The following SHANK2 variants were observed in gnomAD, a reference collection of about 807,000 sequenced individuals.
SHANK2 encodes SH3 and multiple ankyrin repeat domains protein 2.
In SHANK2, 43 loss-of-function variants were observed where a neutral mutation model predicts 133.7. The observed-to-expected ratio is 0.32, with a 90% CI of 0.25 to 0.41. The LOEUF (loss-of-function observed/expected upper bound fraction) is 0.41, where lower values mean the gene tolerates loss of function less well. Among genes scored for constraint, SHANK2 ranks in the 10% least tolerant of loss-of-function variants. The pLI, the probability that SHANK2 is intolerant of heterozygous loss-of-function variation, is 1.00. For missense variants in SHANK2, 1,994 were observed against 2,235.8 expected, an observed-to-expected ratio of 0.89 and a Z score of 2.18; for synonymous variants, 1,017 against 952.8, an observed-to-expected ratio of 1.07 and a Z score of -1.24.
chr11:70,701,768 GCC>G (rs1945526125), intron 14 of SHANK2, among the ~76,000 whole-genome samples: 1 of 152,082 alleles, frequency 6.6e-6, no homozygotes, highest in Non-Finnish European at 1.5e-5. Flanking sequence ...CCCTGCACAG[GCC>G]TTCCCTGTCT....
chr11:70,481,967 C>T (rs2058739179), intron 25 of SHANK2, among the ~76,000 whole-genome samples: 1 of 152,184 alleles, frequency 6.6e-6, no homozygotes, highest in Non-Finnish European at 1.5e-5. Context: ...GTCCTGGACC[C>T]CCCCCCAGTG....
In SHANK2 at chr11:70,487,541, C is replaced by G; in HGVS notation, c.2752G>C (p.Gly918Arg). The G allele has an allele frequency of 6.2e-7, 1 of 1,613,340 alleles. No homozygotes were observed. The change falls in exon 25 of 26, where the codon GGG (glycine) becomes CGG (arginine). Residue 918 changes from glycine (G) to arginine (R), a missense_variant. This residue lies in a region of SHANK2 where 488 missense variants were observed against 642.6 expected (regional missense o/e 0.76). Coordinates refer to ENST00000601538, the MANE Select transcript of SHANK2 (RefSeq NM_012309.5). The surrounding 1 kb of genome is among the most constrained non-coding windows in gnomAD (Gnocchi z 5.8). ...CPKSPTPRVY[G>R]TIKPAFNQNS... ...TGATTGAACGCAGGCTTAATCGTCC[C>G]GTAGACTCTTGGAGTTGGGGACTTG...
chr11:70,940,050 T>A (rs986827641), intron 10 of SHANK2, among the ~76,000 whole-genome samples: 1 of 151,998 alleles, frequency 6.6e-6, no homozygotes. Context: ...CACCCAGAGC[T>A]GGAGGAGATG....
chr11:70,472,810 A>G lies in SHANK2; in HGVS notation c.*59T>C. 6.6e-7 allele frequency: 1 copy of G among 1,525,654 alleles called. No individual in the cohort carries two copies. The highest frequency in any genetic ancestry group is 2.3e-5 in the East Asian group (1 of 44,418). 94.5% of individuals were successfully genotyped at this position (1,525,654 alleles called of 1,614,324 possible). ...ACTTCGCTTGGCATTCAGATGTTTC[A>G]GCACGAGCCCATCTCTACTTATAAC... On this transcript the variant is annotated 3_prime_UTR_variant, in exon 26 of 26. Transcript: ENST00000601538. This position sits in a 1 kb window ranked among gnomAD's most constrained non-coding sequence, Gnocchi z 4.4.
intron 17 of SHANK2, among the ~76,000 whole-genome samples, chr11:70,533,455 T>A (rs2059504191): frequency 6.6e-6 from 1 of 152,040 alleles, no homozygotes; most frequent in African/African-American, 2.4e-5. Flanking sequence ...AAATTCTACA[T>A]CCTTATTCCA....
rs1949678724 is a variant in SHANK2 at position 70,882,870 on chromosome 11, T to G, written c.1174+13631A>C. On this transcript the variant is annotated intron_variant, in intron 11 of 25. Transcript: ENST00000601538. This position sits in a 1 kb window ranked among gnomAD's most constrained non-coding sequence, Gnocchi z 4.2. ...TGGATTTTGCAGGAGTGAGGGGAGG[T>G]CCTGAGGAAACAGCTGCAGGTGAAC... 6.6e-6 allele frequency among the ~76,000 whole-genome samples: 1 copy of G among 151,458 alleles called. No homozygotes were observed. Among genetic ancestry groups the G allele is most frequent in the African/African-American group, 2.4e-5 (1 of 41,188 alleles).
At chr11:70,734,438 C>T (rs566720444) in intron 14 of SHANK2, among the ~76,000 whole-genome samples, 46 of 152,290 alleles carry the variant, frequency 3.0e-4, no homozygotes, top group African/African-American at 1.1e-3. Flanking sequence ...AGTCCACACG[C>T]TCCACACTGA....
intron 14 of SHANK2, among the ~76,000 whole-genome samples, chr11:70,795,650 C>T (rs1293455333): frequency 3.3e-5 from 5 of 152,142 alleles, no homozygotes; most frequent in African/African-American, 1.2e-4. Context: ...AAGAGATCTG[C>T]CCACCTCAGT....
intron 17 of SHANK2, among the ~76,000 whole-genome samples, chr11:70,517,256 C>T (rs1167349569): frequency 4.6e-5 from 7 of 152,160 alleles, no homozygotes; most frequent in East Asian, 3.9e-4. Context: ...GAATGCTTAT[C>T]GTTGCTGGTG....
intron 17 of SHANK2, among the ~76,000 whole-genome samples, chr11:70,619,779 C>CTGACT (rs1424181514): frequency 1.4e-4 from 22 of 152,136 alleles, no homozygotes; most frequent in Admixed American, 1.4e-3. Context: ...ATGAGGCGTG[C>CTGACT]TAGTCAGTGC....
At chr11:70,492,158 C>A (rs2058895262) in intron 22 of SHANK2, among the ~76,000 whole-genome samples, 177 bp downstream of exon 22, 1 of 152,238 alleles carries the variant, frequency 6.6e-6, no homozygotes, top group Non-Finnish European at 1.5e-5. Context: ...TCTGTCCCAC[C>A]ACTGTGAGTC....
chr11:71,163,312 A>G (rs1304348522), intron 2 of SHANK2, among the ~76,000 whole-genome samples: 2 of 152,034 alleles, frequency 1.3e-5, no homozygotes, highest in African/African-American at 4.8e-5. Flanking sequence ...AAAACTTTAG[A>G]AATTAGATGA....
At chr11:70,627,544 C>T (rs1438495070) in intron 17 of SHANK2, among the ~76,000 whole-genome samples, 1 of 152,224 alleles carries the variant, frequency 6.6e-6, no homozygotes, top group East Asian at 1.9e-4. Context: ...GTGGCTACAG[C>T]AGAATAGCCC....
At chr11:70,794,675 G>A (rs572624629) in intron 14 of SHANK2, among the ~76,000 whole-genome samples, 4 of 152,112 alleles carry the variant, frequency 2.6e-5, no homozygotes, top group East Asian at 3.9e-4. Flanking sequence ...CTTATGCCTC[G>A]GCCTCCCAAG....
chr11:70,594,924 C>T (rs2060376962), intron 17 of SHANK2, among the ~76,000 whole-genome samples: 1 of 152,138 alleles, frequency 6.6e-6, no homozygotes, highest in Admixed American at 6.5e-5. Context: ...GTTCATTTTA[C>T]CTCAGTAAAA....
At chr11:70,857,430 C>A (rs1949189370) in intron 11 of SHANK2, among the ~76,000 whole-genome samples, 1 of 152,200 alleles carries the variant, frequency 6.6e-6, no homozygotes, top group African/African-American at 2.4e-5. Flanking sequence ...CCCTCCCAGG[C>A]TGACTCTGGC....
At chr11:70,817,400 C>G (rs1948421877) in intron 12 of SHANK2, among the ~76,000 whole-genome samples, 1 of 152,314 alleles carries the variant, frequency 6.6e-6, no homozygotes, top group Middle Eastern at 3.4e-3. Context: ...GAAGATGGAA[C>G]AAGGCCAAGA....
In SHANK2 at chr11:70,739,102, A is replaced by G. The variant is rs2134787731; in HGVS notation, c.1778-40339T>C. Reference sequence around the variant, plus strand: ...GCCCCATTGTCTGGGGACAGGACACACTCCACTTTATCTCCTGGCCAGTGA... The same window carrying G: ...GCCCCATTGTCTGGGGACAGGACACGCTCCACTTTATCTCCTGGCCAGTGA... On this transcript the variant is annotated intron_variant, in intron 14 of 25. Transcript: ENST00000601538. This position sits in a 1 kb window ranked among gnomAD's most constrained non-coding sequence, Gnocchi z 4.3. 6.6e-6 allele frequency among the ~76,000 whole-genome samples: 1 copy of G among 151,588 alleles called. No individual in the cohort carries two copies. Among genetic ancestry groups the G allele is most frequent in the East Asian group, 2.0e-4 (1 of 5,116 alleles).
intron 17 of SHANK2, among the ~76,000 whole-genome samples, chr11:70,587,358 C>T (rs577591523): frequency 9.3e-4 from 142 of 152,176 alleles, no homozygotes; most frequent in African/African-American, 3.2e-3. Context: ...AGGGGAGAAG[C>T]GGGGAGAGCG....
Sources: allele counts gnomAD v4.1 joint callset (sites outside exome capture counted in the v4.1 genomes callset), GRCh38; gene constraint gnomAD v4.1.1; regional missense constraint gnomAD v4.1.1; non-coding constraint Gnocchi (gnomAD v3.1); transcripts MANE v1.5; gene names NCBI Gene and HGNC (gene_info 2026-07-23, HGNC 2026-07-21).